The following TMEM91 variants were observed in gnomAD, a reference collection of about 807,000 sequenced individuals.
TMEM91 encodes the protein dispanin subfamily C member 3.
A neutral mutation model predicts 13.3 loss-of-function variants in TMEM91; 6 were observed. The ratio of observed to expected loss-of-function variants is 0.45; its 90% CI spans 0.25 to 0.89. TMEM91 has a LOEUF of 0.89. Among genes scored for constraint, TMEM91 ranks in the 40% least tolerant of loss-of-function variants. TMEM91 has a pLI of 0.19. For missense variants in TMEM91, 193 were observed against 228.7 expected (o/e 0.84, Z 1.01); for synonymous variants, 87 against 101.7 (o/e 0.86, Z 0.87).
chr19:41,378,991 C>T (rs1396142605), intron 2 of TMEM91, among the ~76,000 whole-genome samples: 1 of 151,974 alleles, frequency 6.6e-6, no homozygotes, highest in South Asian at 2.1e-4. Context: ...GCCACCATGC[C>T]TGGCTAATTT....
chr19:41,365,416 A>G (rs533474400), intron 1 of TMEM91, among the ~76,000 whole-genome samples: 1 of 151,936 alleles, frequency 6.6e-6, no homozygotes, highest in African/African-American at 2.4e-5. Context: ...TTGGTTTTTT[A>G]CTTTTTGAGA....
chr19:41,377,374 G>A (rs1302120361), intron 1 of TMEM91: 1 of 152,898 alleles, frequency 6.5e-6, no homozygotes, highest in Non-Finnish European at 1.5e-5. Flanking sequence ...CTGATGTTTT[G>A]GGGCAAATAT....
intron 1 of TMEM91, among the ~76,000 whole-genome samples, chr19:41,365,735 G>T (rs550328342): frequency 7.5e-4 from 72 of 96,532 alleles, no homozygotes; most frequent in African/African-American, 3.0e-3. Context: ...TTTTTTGACA[G>T]AGTCTCCCTC....
intron 1 of TMEM91, among the ~76,000 whole-genome samples, chr19:41,369,661 A>C (rs1363618330): frequency 6.6e-6 from 1 of 151,812 alleles, no homozygotes; most frequent in African/African-American, 2.4e-5. Context: ...AAAAAAAATC[A>C]GCTGAACGTG....
At chr19:41,375,844 G>T (rs560829573), upstream of TMEM91, among the ~76,000 whole-genome samples, 187 of 150,828 alleles carry the variant, frequency 1.2e-3, 1 homozygote, top group African/African-American at 4.2e-3. Flanking sequence ...AAAATCTGCC[G>T]GGCGCGGTGG....
chr19:41,383,781 C>T lies in TMEM91; in HGVS notation c.427C>T (p.Leu143=), dbSNP rs2038951223. 4 of 1,610,436 alleles carry T rather than the reference C, an allele frequency of 2.5e-6. No individual in the cohort carries two copies. Among genetic ancestry groups the T allele is most frequent in the Non-Finnish European group, 3.4e-6 (4 of 1,177,994 alleles). The part of the protein sequence containing the change: ...AGAASRRAFL[L]GVLAVGLGVC... Reference sequence around the variant, plus strand: ...GGCCGCCTCCCGCCGTGCCTTCCTGCTGGGGGTCCTCGCCGTCGGGCTGGG... The same window carrying T: ...GGCCGCCTCCCGCCGTGCCTTCCTGTTGGGGGTCCTCGCCGTCGGGCTGGG... The change falls in exon 4 of 4, where the codon CTG becomes TTG. Residue 143 remains leucine (L), a synonymous_variant. Coordinates refer to ENST00000392002, the MANE Select transcript of TMEM91 (RefSeq NM_001098821.2).
At chr19:41,370,092 T>A (rs1220414409) in intron 1 of TMEM91, among the ~76,000 whole-genome samples, 1 of 151,932 alleles carries the variant, frequency 6.6e-6, no homozygotes, top group Non-Finnish European at 1.5e-5. Flanking sequence ...TTATTTATTT[T>A]TTGAGATGGA....
chr19:41,372,695 G>C (rs917353563), upstream of TMEM91, among the ~76,000 whole-genome samples: 17 of 152,086 alleles, frequency 1.1e-4, no homozygotes, highest in African/African-American at 4.1e-4. Flanking sequence ...CTTTGCTTCA[G>C]ACCAGAGGCA....
chr19:41,382,171 G>A (rs190237329), intron 2 of TMEM91, among the ~76,000 whole-genome samples: 14 of 152,140 alleles, frequency 9.2e-5, no homozygotes, highest in East Asian at 3.9e-4. Flanking sequence ...CCGGCCATGC[G>A]GGGGCTTTTC....
chr19:41,383,069 ATT>A, intron 3 of TMEM91, 148 bp downstream of exon 3: 2 of 1,206,530 alleles, frequency 1.7e-6, no homozygotes, highest in Non-Finnish European at 2.3e-6. Context: ...TCTCTGCAAG[ATT>A]TTTTTTGAGT....
upstream of TMEM91, among the ~76,000 whole-genome samples, chr19:41,371,695 C>T (rs1334298732): frequency 6.6e-6 from 1 of 151,954 alleles, no homozygotes; most frequent in African/African-American, 2.4e-5. Flanking sequence ...TGAGATCACA[C>T]GTATGAGCCA....
At chr19:41,367,034 G>C (rs1568488170) in intron 1 of TMEM91, among the ~76,000 whole-genome samples, 2 of 152,054 alleles carry the variant, frequency 1.3e-5, no homozygotes, top group Admixed American at 1.3e-4. Context: ...TCAGCTATTT[G>C]GGAAGCTGAG....
chr19:41,367,829 C>T (rs2038552715), intron 1 of TMEM91, among the ~76,000 whole-genome samples: 1 of 152,070 alleles, frequency 6.6e-6, no homozygotes. Context: ...GAGACATGGT[C>T]TCACTCTGTT....
At chr19:41,378,075 A>C (rs2038769441) in intron 1 of TMEM91, among the ~76,000 whole-genome samples, 1 of 149,890 alleles carries the variant, frequency 6.7e-6, no homozygotes, top group Non-Finnish European at 1.5e-5. Context: ...AGAAATGCCC[A>C]AAATTGAATG....
chr19:41,368,886 G>A (rs866955627), intron 1 of TMEM91, among the ~76,000 whole-genome samples: 3 of 151,816 alleles, frequency 2.0e-5, no homozygotes, highest in African/African-American at 7.2e-5. Context: ...AGGCCAAGGC[G>A]GGCAGATTGC....
intron 3 of TMEM91, 47 bp from the exon 4 acceptor site, chr19:41,383,668 T>TG: frequency 6.2e-7 from 1 of 1,613,998 alleles, no homozygotes; most frequent in South Asian, 1.1e-5. Flanking sequence ...GGGAAGGGTC[T>TG]GGGACTGAGG....
chr19:41,365,731 G>A (rs1370832142), intron 1 of TMEM91, among the ~76,000 whole-genome samples: 3 of 30,436 alleles, frequency 9.9e-5, no homozygotes, highest in Non-Finnish European at 2.0e-4. Flanking sequence ...TTTTTTTTTT[G>A]ACAGAGTCTC....
upstream of TMEM91, among the ~76,000 whole-genome samples, chr19:41,375,422 G>A (rs1157469949): frequency 2.7e-5 from 4 of 150,808 alleles, no homozygotes; most frequent in African/African-American, 9.7e-5. Flanking sequence ...GGGACTACAA[G>A]CGCCCGCCAC....
chr19:41,380,853 G>T (rs2038862440), intron 2 of TMEM91, among the ~76,000 whole-genome samples: 2 of 148,106 alleles, frequency 1.4e-5, no homozygotes, highest in African/African-American at 5.0e-5. Flanking sequence ...GGCGGAGGTT[G>T]CAGTGAGCCG....
Sources: allele counts gnomAD v4.1 joint callset (sites outside exome capture counted in the v4.1 genomes callset), GRCh38; gene constraint gnomAD v4.1.1; transcripts MANE v1.5; gene names NCBI Gene and HGNC (gene_info 2026-07-23, HGNC 2026-07-21).